The following ROCK1 variants were observed in gnomAD, a reference collection of about 807,000 sequenced individuals.
The protein encoded by ROCK1 is rho-associated protein kinase 1.
ROCK1 carries 36 observed loss-of-function variants against 196.8 expected under a neutral mutation model. The observed-to-expected ratio is 0.18, with a 90% CI of 0.14 to 0.24. The LOEUF (loss-of-function observed/expected upper bound fraction) is 0.24. Among genes scored for constraint, ROCK1 ranks in the 10% least tolerant of loss-of-function variants. The pLI is 1.00. For missense variants in ROCK1, 920 were observed against 1,562.0 expected, an observed-to-expected ratio of 0.59 and a Z score of 6.93; for synonymous variants, 443 against 515.9, an observed-to-expected ratio of 0.86 and a Z score of 1.91.
intron 9 of ROCK1, among the ~76,000 whole-genome samples, chr18:21,029,256 C>T (rs577260357): frequency 6.6e-6 from 1 of 152,200 alleles, no homozygotes; most frequent in East Asian, 1.9e-4. Flanking sequence ...CAAAAGCATT[C>T]GGGACTACAG....
rs373479177 is a variant in ROCK1 at position 21,006,670 on chromosome 18, T to C, written c.1638+29A>G. ...ATAATTTAATTATCTACAATTTTTT[T>C]AAAAAGGAACCTCATTTGAAACACT... On this transcript the variant is annotated intron_variant, in intron 15 of 32. Transcript: ENST00000399799. 3 of 1,581,678 alleles carry C rather than the reference T, an allele frequency of 1.9e-6. No homozygotes were observed. In the East Asian group the frequency reaches 6.7e-5, roughly 35 times the overall value.
chr18:20,966,924 G>T lies in ROCK1; in HGVS notation c.3345C>A (p.Asn1115Lys), dbSNP rs749406230. 6.2e-7 allele frequency: 1 copy of T among 1,610,214 alleles called. No individual in the cohort carries two copies. The highest frequency in any genetic ancestry group is 8.5e-7 in the Non-Finnish European group (1 of 1,177,468). ...ATACAGAATTATTCTTACCTGGGAGGTTACCATCAGTTTCATCAGCACTAG... is the reference window on the plus strand; with the variant it reads ...ATACAGAATTATTCTTACCTGGGAGTTTACCATCAGTTTCATCAGCACTAG... ...SFPSADETDG[N>K]LPESRIEGWL... is the part of the protein sequence containing the mutation. Residue 1115 changes from asparagine to lysine, a missense_variant, in exon 27 of 33, where the codon AAC becomes AAA. Asn to Lys is a moderately conservative substitution (Grantham distance 94). Around this residue, in one of 6 missense-constraint regions of ROCK1, gnomAD observed 116 missense variants for 204.2 expected, o/e 0.57. Transcript: ENST00000399799.
chr18:21,000,101 T>G (rs1296577707), intron 16 of ROCK1, among the ~76,000 whole-genome samples: 1 of 152,090 alleles, frequency 6.6e-6, no homozygotes, highest in Non-Finnish European at 1.5e-5. Context: ...AACAACAAAC[T>G]TGGAGGGTTC....
intron 2 of ROCK1, among the ~76,000 whole-genome samples, chr18:21,069,822 T>A (rs1385134405): frequency 6.6e-6 from 1 of 152,048 alleles, no homozygotes; most frequent in Non-Finnish European, 1.5e-5. Flanking sequence ...CAGTTCAGAA[T>A]CTGGCACCAT....
chr18:20,951,411 T>G (rs775334478), intron 32 of ROCK1, 24 bp from the exon 33 acceptor site: 2 of 1,584,164 alleles, frequency 1.3e-6, no homozygotes, highest in East Asian at 2.3e-5. Flanking sequence ...GGGAAAAAAC[T>G]AATTTAAGAA....
intron 2 of ROCK1, among the ~76,000 whole-genome samples, chr18:21,067,023 T>C (rs537113544): frequency 6.1e-4 from 93 of 152,370 alleles, no homozygotes; most frequent in Admixed American, 2.0e-3. Flanking sequence ...CCAAAGTGCC[T>C]TACCATTTAC....
intron 1 of ROCK1, among the ~76,000 whole-genome samples, chr18:21,081,033 G>A (rs1483442815): frequency 1.3e-5 from 2 of 152,114 alleles, no homozygotes; most frequent in Non-Finnish European, 2.9e-5. Context: ...TATAAAGAGA[G>A]AGAGAGCACT....
chr18:21,039,798 C>T (rs931218951), intron 8 of ROCK1, among the ~76,000 whole-genome samples: 2 of 152,104 alleles, frequency 1.3e-5, no homozygotes, highest in African/African-American at 4.8e-5. Flanking sequence ...TGGCTCATGC[C>T]TATAATCCCA....
At chr18:21,034,070 G>A (rs1452312014) in intron 9 of ROCK1, among the ~76,000 whole-genome samples, 2 of 145,454 alleles carry the variant, frequency 1.4e-5, no homozygotes, top group African/African-American at 5.0e-5. Flanking sequence ...AAGTCAAAAA[G>A]AAATACCTAG....
At chr18:21,052,179 T>C (rs1287228815) in intron 2 of ROCK1, among the ~76,000 whole-genome samples, 2 of 152,226 alleles carry the variant, frequency 1.3e-5, no homozygotes, top group African/African-American at 2.4e-5. Context: ...TAGCTTGTTC[T>C]AATACAGGTT....
rs531943130 is a variant in ROCK1, at chr18:21,061,367, A to G, written c.175+9165T>C. ...GGTGCTGGGCTTACAGGCAAGAGCC[A>G]CTGTGCCCAGCCTTAAATGCATTTT... On this transcript the variant is annotated intron_variant, in intron 2 of 32. Transcript: ENST00000399799. Among the ~76,000 whole-genome samples, 243 of 152,326 alleles carry G rather than the reference A, an allele frequency of 1.6e-3. 2 individuals carry two copies. The highest frequency in any genetic ancestry group is 5.6e-3 in the African/African-American group (231 of 41,578).
At chr18:20,970,322 A>G (rs1454402171) in intron 23 of ROCK1, 26 bp downstream of exon 23, 3 of 1,583,072 alleles carry the variant, frequency 1.9e-6, no homozygotes, top group Non-Finnish European at 1.7e-6. Context: ...TAAATTTTAT[A>G]TAACTTACCT....
intron 17 of ROCK1, 78 bp downstream of exon 17, chr18:20,992,753 T>C (rs2035637481): frequency 1.2e-6 from 1 of 838,040 alleles, no homozygotes; most frequent in East Asian, 2.7e-5. Context: ...ATAAATGCTA[T>C]TTTATAAAAC....
At chr18:21,026,537 T>C (rs1435698436) in intron 10 of ROCK1, among the ~76,000 whole-genome samples, 1 of 149,790 alleles carries the variant, frequency 6.7e-6, no homozygotes, top group African/African-American at 2.5e-5. Flanking sequence ...ACAGTTATAA[T>C]ATTATACTCA....
At chr18:21,055,274 G>T (rs1394162402) in intron 2 of ROCK1, among the ~76,000 whole-genome samples, 2 of 151,950 alleles carry the variant, frequency 1.3e-5, no homozygotes, top group African/African-American at 4.8e-5. Flanking sequence ...CAAACATCAA[G>T]CTGGCCCTTA....
intron 2 of ROCK1, among the ~76,000 whole-genome samples, chr18:21,055,064 T>C (rs186916025): frequency 6.6e-6 from 1 of 152,184 alleles, no homozygotes; most frequent in Non-Finnish European, 1.5e-5. Context: ...CATGGTCAAT[T>C]ATTATAATCA....
chr18:21,073,202 AG>A (rs1235907417), intron 1 of ROCK1, among the ~76,000 whole-genome samples: 1 of 152,028 alleles, frequency 6.6e-6, no homozygotes, highest in Non-Finnish European at 1.5e-5. Context: ...GTAGTAGACC[AG>A]TTGTAGCAGT....
Position 21,006,545 on chromosome 18 carries a change from A to C in ROCK1, c.1691T>G (p.Leu564Trp). ...GCTCATCTCTGTGTGACTCTTCCTCAATCTTACAGCTGTGTCCGATTCTGT... is the reference window on the plus strand; with the variant it reads ...GCTCATCTCTGTGTGACTCTTCCTCCATCTTACAGCTGTGTCCGATTCTGT... Reference protein sequence around the residue: ...LRTESDTAVRLRKSHTEMSKS... With the variant: ...LRTESDTAVRWRKSHTEMSKS... Residue 564 changes from leucine (L) to tryptophan (W), a missense_variant, in exon 16 of 33, where the codon TTG (leucine) becomes TGG (tryptophan). By Grantham distance (61) the Leu-to-Trp change is moderately conservative. This residue lies in a region of ROCK1 where 520 missense variants were observed against 657.1 expected (regional missense o/e 0.79). Transcript: ENST00000399799. 1 of 1,613,850 alleles carries C rather than the reference A, an allele frequency of 6.2e-7. No homozygotes were observed. Among genetic ancestry groups the C allele is most frequent in the South Asian group, 1.1e-5 (1 of 91,076 alleles).
chr18:21,040,440 T>C (rs2036095413), intron 8 of ROCK1, among the ~76,000 whole-genome samples: 1 of 152,228 alleles, frequency 6.6e-6, no homozygotes, highest in Non-Finnish European at 1.5e-5. Flanking sequence ...AGCCTCTTTT[T>C]TGGTGAGCAA....
Sources: gnomAD v4.1 joint callset for allele counts (sites outside exome capture counted in the v4.1 genomes callset) on GRCh38, gnomAD v4.1.1 for gene constraint, gnomAD v4.1.1 regional missense constraint, MANE v1.5 for transcripts, NCBI Gene and HGNC (gene_info 2026-07-23, HGNC 2026-07-21) for gene names.